Variants in CDKAL1 observed in about 807,000 individuals in gnomAD.
CDKAL1 encodes the protein threonylcarbamoyladenosine tRNA methylthiotransferase.
A neutral mutation model predicts 68.2 loss-of-function variants in CDKAL1; 32 were observed. The ratio of observed to expected loss-of-function variants is 0.47; its 90% confidence interval spans 0.35 to 0.63. CDKAL1 has a LOEUF of 0.63. Among genes scored for constraint, CDKAL1 ranks in the 30% least tolerant of loss-of-function variants. The pLI is 0.00. For missense variants in CDKAL1, 606 were observed against 696.7 expected (o/e 0.87, Z 1.47); for synonymous variants, 234 against 244.3 (o/e 0.96, Z 0.39).
At chr6:20,736,238 C>T (rs1482238765) in intron 5 of CDKAL1, among the ~76,000 whole-genome samples, 2 of 151,882 alleles carry the variant, frequency 1.3e-5, no homozygotes, top group African/African-American at 2.4e-5. Flanking sequence ...GATGCCCATT[C>T]GTGTAAGTAT....
chr6:20,846,214 T>C, intron 9 of CDKAL1, 36 bp downstream of exon 9: 1 of 1,293,624 alleles, frequency 7.7e-7, no homozygotes, highest in Non-Finnish European at 1.1e-6. Flanking sequence ...AAATTAGTCT[T>C]CTTAATAAAT....
At chr6:20,621,878 T>A (rs942519093) in intron 4 of CDKAL1, among the ~76,000 whole-genome samples, 1 of 152,008 alleles carries the variant, frequency 6.6e-6, no homozygotes, top group Non-Finnish European at 1.5e-5. Flanking sequence ...GAAGCCTTGA[T>A]TCCTTTTATT....
intron 4 of CDKAL1, among the ~76,000 whole-genome samples, chr6:20,592,896 C>A (rs1050777265): frequency 6.6e-6 from 1 of 152,102 alleles, no homozygotes; most frequent in Non-Finnish European, 1.5e-5. Context: ...TGAATTTTAT[C>A]GAAGGCCTTT....
intron 13 of CDKAL1, among the ~76,000 whole-genome samples, chr6:21,143,205 A>G (rs767849444): frequency 2.0e-5 from 3 of 152,364 alleles, no homozygotes; most frequent in Admixed American, 6.5e-5. Flanking sequence ...TTGCCAGAAG[A>G]TCAAAAATAA....
At chr6:20,733,499 T>C (rs182943445) in intron 5 of CDKAL1, among the ~76,000 whole-genome samples, 86 of 152,352 alleles carry the variant, frequency 5.6e-4, no homozygotes, top group Middle Eastern at 6.8e-3. Context: ...AAGCCTTTAG[T>C]GTAAAACAAA....
chr6:20,543,081 C>G (rs1763451288), intron 2 of CDKAL1, among the ~76,000 whole-genome samples: 1 of 152,160 alleles, frequency 6.6e-6, no homozygotes, highest in African/African-American at 2.4e-5. Context: ...GAATGGCATC[C>G]AGGTGGTTTC....
At chr6:20,684,263 A>G (rs1369209432) in intron 5 of CDKAL1, among the ~76,000 whole-genome samples, 1 of 152,116 alleles carries the variant, frequency 6.6e-6, no homozygotes, top group Non-Finnish European at 1.5e-5. Context: ...CCAACATGGC[A>G]AAACCCTGTC....
At chr6:21,056,401 T>C (rs999158581) in intron 11 of CDKAL1, among the ~76,000 whole-genome samples, 2 of 152,158 alleles carry the variant, frequency 1.3e-5, no homozygotes, top group African/African-American at 4.8e-5. Flanking sequence ...TGAAATTGTT[T>C]ATTGAGTTAA....
intron 9 of CDKAL1, among the ~76,000 whole-genome samples, chr6:20,856,427 T>C (rs1029177764): frequency 6.6e-6 from 1 of 152,222 alleles, no homozygotes; most frequent in African/African-American, 2.4e-5. Flanking sequence ...TCCAGCACAA[T>C]TGAATGCTGT....
intron 11 of CDKAL1, among the ~76,000 whole-genome samples, chr6:21,008,512 C>T (rs1038666526): frequency 6.6e-6 from 1 of 152,054 alleles, no homozygotes; most frequent in Non-Finnish European, 1.5e-5. Flanking sequence ...TTGAGAGTTG[C>T]CTCTTATAAG....
chr6:20,598,752 C>G (rs910338341), intron 4 of CDKAL1, among the ~76,000 whole-genome samples: 5 of 152,070 alleles, frequency 3.3e-5, no homozygotes, highest in Non-Finnish European at 5.9e-5. Context: ...ATTTCTGCCT[C>G]TGGAAGATGA....
chr6:20,691,028 AG>A (rs1183341337), intron 5 of CDKAL1, among the ~76,000 whole-genome samples: 10 of 152,266 alleles, frequency 6.6e-5, no homozygotes, highest in Non-Finnish European at 1.5e-4. Context: ...GTAGATTTTT[AG>A]AAAAGCAGGT....
At chr6:21,226,579 C>T (rs1265375805) in intron 15 of CDKAL1, among the ~76,000 whole-genome samples, 1 of 152,160 alleles carries the variant, frequency 6.6e-6, no homozygotes, top group Non-Finnish European at 1.5e-5. Flanking sequence ...ACGCCTTTTG[C>T]GTAAGCAAAG....
chr6:20,956,269 A>G (rs1764771601), intron 10 of CDKAL1, among the ~76,000 whole-genome samples: 1 of 152,144 alleles, frequency 6.6e-6, no homozygotes, highest in Admixed American at 6.5e-5. Flanking sequence ...TTGTTTTTAT[A>G]CTTTTCCACA....
At chr6:21,100,528 A>G (rs1455393698) in intron 12 of CDKAL1, among the ~76,000 whole-genome samples, 2 of 152,204 alleles carry the variant, frequency 1.3e-5, no homozygotes, top group Non-Finnish European at 2.9e-5. Flanking sequence ...ACTAGAGAGT[A>G]GGGGGTGAAA....
chr6:21,052,316 C>A (rs530566533), intron 11 of CDKAL1, among the ~76,000 whole-genome samples: 1 of 152,094 alleles, frequency 6.6e-6, no homozygotes, highest in East Asian at 1.9e-4. Flanking sequence ...TTCCTTTATT[C>A]CTGGCCTTTT....
Position 20,895,286 on chromosome 6 carries a change from A to G in CDKAL1, c.742+49108A>G, listed in dbSNP as rs150103526. 1.8e-3 allele frequency among the ~76,000 whole-genome samples: 269 copies of G among 152,324 alleles called. 2 individuals are homozygous for G. Among genetic ancestry groups the G allele is most frequent in the African/African-American group, 6.3e-3 (261 of 41,560 alleles). On this transcript the variant is annotated intron_variant, in intron 9 of 15. Transcript: ENST00000274695. ...GTAATGGATATTTGGGTTGTTTCCAATTACAAACAATGCAATTGTAATGAA... is the reference window on the plus strand; with the variant it reads ...GTAATGGATATTTGGGTTGTTTCCAGTTACAAACAATGCAATTGTAATGAA...
intron 5 of CDKAL1, among the ~76,000 whole-genome samples, chr6:20,689,893 T>A (rs1770794485): frequency 6.6e-6 from 1 of 152,218 alleles, no homozygotes; most frequent in Admixed American, 6.5e-5. Context: ...GTATAAGGCT[T>A]ATGGTGGTCT....
rs1370737169 is a variant in CDKAL1 at position 20,850,154 on chromosome 6, A to G, written c.742+3976A>G. Among the ~76,000 whole-genome samples, 3 of 152,314 alleles carry G rather than the reference A, an allele frequency of 2.0e-5. No homozygotes were observed. The East Asian group carries it at 5.8e-4, about 29-fold the overall frequency. On this transcript the variant is annotated intron_variant, in intron 9 of 15. Transcript: ENST00000274695. ...TTAGATTGCCTGTCTTATAATGAAT[A>G]AGAAACATGGTTTTATGAAAAGTTA...
Sources: gnomAD v4.1 joint callset for allele counts (sites outside exome capture counted in the v4.1 genomes callset) on GRCh38, gnomAD v4.1.1 for gene constraint, MANE v1.5 for transcripts, NCBI Gene and HGNC (gene_info 2026-07-23, HGNC 2026-07-21) for gene names.